Variants in ME1 observed in about 807,000 individuals in gnomAD.
ME1 encodes the protein NADP-dependent malic enzyme.
A neutral mutation model predicts 66.4 loss-of-function variants in ME1; 74 were observed. That is an observed-to-expected ratio of 1.11 (90% CI 0.92 to 1.35). The LOEUF (loss-of-function observed/expected upper bound fraction) is 1.35, where lower values mean the gene tolerates loss of function less well. Ranked by LOEUF, ME1 falls within the 40% of genes most tolerant of loss-of-function variation. ME1 has a pLI of 0.00. For synonymous variants in ME1, 251 were observed against 235.6 expected (o/e 1.07, Z -0.60); for missense variants, 750 against 694.1 (o/e 1.08, Z -0.90).
chr6:83,234,758 A>C (rs1052481800), intron 9 of ME1, among the ~76,000 whole-genome samples: 26 of 131,164 alleles, frequency 2.0e-4, no homozygotes, highest in Admixed American at 8.1e-4. Context: ...GGAGAGGCAA[A>C]CCCCCCTGCA....
intron 7 of ME1, among the ~76,000 whole-genome samples, chr6:83,246,687 T>A (rs1044267791): frequency 6.6e-6 from 1 of 152,120 alleles, no homozygotes; most frequent in Non-Finnish European, 1.5e-5. Context: ...TGCAATACTT[T>A]GTATATTTAA....
chr6:83,229,315 C>A (rs1790255817), intron 9 of ME1: 1 of 306,660 alleles, frequency 3.3e-6, no homozygotes, highest in Non-Finnish European at 6.2e-6. Flanking sequence ...TTGGCTTCAG[C>A]TTTAGCCCTA....
chr6:83,313,867 T>G (rs765437435), intron 6 of ME1, among the ~76,000 whole-genome samples: 1 of 152,192 alleles, frequency 6.6e-6, no homozygotes, highest in East Asian at 1.9e-4. Context: ...CCATACTAAT[T>G]GGCAAATGTA....
At chr6:83,395,352 C>T (rs1235659366) in intron 3 of ME1, among the ~76,000 whole-genome samples, 1 of 151,120 alleles carries the variant, frequency 6.6e-6, no homozygotes, top group Non-Finnish European at 1.5e-5. Context: ...CTCCCAAAGT[C>T]CTGGAATTAC....
At chr6:83,283,101 G>A (rs1471629533) in intron 6 of ME1, among the ~76,000 whole-genome samples, 1 of 149,296 alleles carries the variant, frequency 6.7e-6, no homozygotes, top group Non-Finnish European at 1.5e-5. Context: ...GGTAGCGGGC[G>A]CCTGTAGTCC....
At chr6:83,413,573 C>T (rs374747917) in intron 1 of ME1, among the ~76,000 whole-genome samples, 1 of 151,316 alleles carries the variant, frequency 6.6e-6, no homozygotes, top group Non-Finnish European at 1.5e-5. Flanking sequence ...AGAAAGAGGA[C>T]CCTTTATATT....
At chr6:83,224,346 C>A (rs1369253748) in intron 11 of ME1, among the ~76,000 whole-genome samples, 8 of 151,936 alleles carry the variant, frequency 5.3e-5, no homozygotes, top group African/African-American at 1.9e-4. Context: ...CGACACATTT[C>A]CAAAATAAAA....
chr6:83,270,812 T>C (rs1256258249), intron 6 of ME1, among the ~76,000 whole-genome samples: 2 of 152,200 alleles, frequency 1.3e-5, no homozygotes, highest in South Asian at 2.1e-4. Flanking sequence ...AGACTACACA[T>C]GCAATTCTTA....
At chr6:83,231,625 C>A (rs1382580974) in intron 9 of ME1, among the ~76,000 whole-genome samples, 2 of 152,190 alleles carry the variant, frequency 1.3e-5, no homozygotes, top group East Asian at 1.9e-4. Flanking sequence ...ATTTTCTAGA[C>A]TAATGGCTTA....
At chr6:83,391,501 T>C (rs1224705054) in intron 3 of ME1, among the ~76,000 whole-genome samples, 4 of 152,200 alleles carry the variant, frequency 2.6e-5, no homozygotes, top group Admixed American at 2.6e-4. Context: ...CTGATTCTTC[T>C]TTTGCTTTAG....
chr6:83,321,190 C>T (rs966087450), intron 5 of ME1, among the ~76,000 whole-genome samples: 1 of 152,140 alleles, frequency 6.6e-6, no homozygotes, highest in Non-Finnish European at 1.5e-5. Flanking sequence ...GGTGCTTACA[C>T]CACAACAGCC....
At position 83,282,881 on chromosome 6, in the gene ME1, T is replaced by C. The variant is rs541327107; in HGVS notation, c.705-29143A>G. 2.6e-5 allele frequency among the ~76,000 whole-genome samples: 4 copies of C among 152,114 alleles called. No individual in the cohort carries two copies. The South Asian group carries it at 6.2e-4, about 24-fold the overall frequency. On this transcript the variant is annotated intron_variant, in intron 6 of 13. Coordinates refer to ENST00000369705, the MANE Select transcript of ME1 (RefSeq NM_002395.6). ...ACCCAAATGTCCATCAATGATAGAC[T>C]GGGTAAAGAAAATGTGGCACATATA...
At chr6:83,273,965 T>C (rs1199444015) in intron 6 of ME1, among the ~76,000 whole-genome samples, 1 of 152,188 alleles carries the variant, frequency 6.6e-6, no homozygotes, top group Non-Finnish European at 1.5e-5. Flanking sequence ...TTATCTTGCT[T>C]GATTCACTAT....
At chr6:83,382,915 C>T (rs1769434576) in intron 3 of ME1, among the ~76,000 whole-genome samples, 1 of 151,778 alleles carries the variant, frequency 6.6e-6, no homozygotes, top group South Asian at 2.1e-4. Flanking sequence ...TTAGATGATA[C>T]TAATATTTAA....
chr6:83,415,519 G>A (rs1437344107), intron 1 of ME1, among the ~76,000 whole-genome samples: 1 of 152,142 alleles, frequency 6.6e-6, no homozygotes, highest in African/African-American at 2.4e-5. Context: ...GCAAATGGAT[G>A]TATAAATACA....
chr6:83,252,548 G>A (rs575404612), intron 7 of ME1, among the ~76,000 whole-genome samples: 1 of 152,268 alleles, frequency 6.6e-6, no homozygotes, highest in South Asian at 2.1e-4. Flanking sequence ...CGATCTGCCT[G>A]CCTTGGCCTC....
chr6:83,225,205 CAAA>C (rs146673365), intron 11 of ME1, among the ~76,000 whole-genome samples: 2 of 40,498 alleles, frequency 4.9e-5, no homozygotes, highest in African/African-American at 8.3e-5. Flanking sequence ...GACTCCATCT[CAAA>C]AAAAAAAAAA....
chr6:83,266,391 T>C lies in ME1; in HGVS notation c.705-12653A>G, dbSNP rs577184234. On this transcript the variant is annotated intron_variant, in intron 6 of 13. Transcript: ENST00000369705. ...ATGTAAAGTACAAATCTAGCTTCTC[T>C]GGCACAATCATCTGGAATAATGTCA... Among the ~76,000 whole-genome samples, 4 of 152,212 alleles carry C rather than the reference T, an allele frequency of 2.6e-5. No individual in the cohort carries two copies. In the East Asian group the frequency reaches 5.8e-4, roughly 22 times the overall value.
chr6:83,322,234 G>A (rs1768193748), intron 5 of ME1, among the ~76,000 whole-genome samples: 2 of 152,228 alleles, frequency 1.3e-5, no homozygotes, highest in South Asian at 4.1e-4. Context: ...CCAAAAACCA[G>A]AATAACTCTT....
Sources: gnomAD v4.1 joint callset for allele counts (sites outside exome capture counted in the v4.1 genomes callset) on GRCh38, gnomAD v4.1.1 for gene constraint, MANE v1.5 for transcripts, NCBI Gene and HGNC (gene_info 2026-07-23, HGNC 2026-07-21) for gene names.